Variants in CAMK4 observed in about 807,000 individuals in gnomAD.
CAMK4 encodes calcium/calmodulin dependent protein kinase IV.
CAMK4 carries 22 observed loss-of-function variants against 44.9 expected under a neutral mutation model. The observed-to-expected ratio is 0.49, with a 90% CI of 0.35 to 0.70. The LOEUF is 0.70. CAMK4 is among the 30% of genes least tolerant of loss of function. The pLI is 0.01. For missense variants in CAMK4, 498 were observed against 586.8 expected (o/e 0.85, Z 1.56); for synonymous variants, 218 against 215.4 (o/e 1.01, Z -0.11).
intron 5 of CAMK4, among the ~76,000 whole-genome samples, chr5:111,443,279 T>TATATATGTATAC: frequency 2.7e-5 from 1 of 37,478 alleles, no homozygotes; most frequent in East Asian, 7.3e-4. Flanking sequence ...TATATATATA[T>TATATATGTATAC]ACACACACAC....
At chr5:111,357,743 CTCACT>C (rs1750426455) in intron 2 of CAMK4, among the ~76,000 whole-genome samples, 1 of 152,076 alleles carries the variant, frequency 6.6e-6, no homozygotes. Context: ...TGTCATGTCA[CTCACT>C]TTAACGGTAA....
intron 5 of CAMK4, among the ~76,000 whole-genome samples, chr5:111,400,699 G>A (rs1391969532): frequency 6.6e-6 from 1 of 152,078 alleles, no homozygotes; most frequent in Non-Finnish European, 1.5e-5. Flanking sequence ...TTCCCTCTTT[G>A]GATTTGAATT....
At chr5:111,241,055 CT>C (rs1320075160) in intron 1 of CAMK4, among the ~76,000 whole-genome samples, 4 of 151,640 alleles carry the variant, frequency 2.6e-5, no homozygotes, top group Non-Finnish European at 5.9e-5. Flanking sequence ...AAGGTAAATT[CT>C]TTGACTGTAG....
intron 5 of CAMK4, among the ~76,000 whole-genome samples, chr5:111,434,883 T>G (rs1239176691): frequency 6.6e-6 from 1 of 152,234 alleles, no homozygotes; most frequent in East Asian, 1.9e-4. Context: ...TGACTGTTTC[T>G]TCTTTGTCCT....
intron 5 of CAMK4, among the ~76,000 whole-genome samples, chr5:111,400,179 A>G (rs1014460895): frequency 6.6e-6 from 1 of 152,192 alleles, no homozygotes; most frequent in African/African-American, 2.4e-5. Flanking sequence ...ACACATTCAA[A>G]TCAAATGTTC....
intron 5 of CAMK4, among the ~76,000 whole-genome samples, chr5:111,408,835 A>T (rs1412191041): frequency 6.6e-6 from 1 of 152,224 alleles, no homozygotes; most frequent in Non-Finnish European, 1.5e-5. Flanking sequence ...TACAGGCCCC[A>T]TGCAAGTCTG....
At chr5:111,252,652 T>C (rs886146878) in intron 1 of CAMK4, among the ~76,000 whole-genome samples, 3 of 152,134 alleles carry the variant, frequency 2.0e-5, no homozygotes, top group Non-Finnish European at 4.4e-5. Context: ...GTAATAATAA[T>C]ACTACAAAAC....
chr5:111,325,994 GT>G (rs1240121681), intron 1 of CAMK4, among the ~76,000 whole-genome samples: 1 of 151,966 alleles, frequency 6.6e-6, no homozygotes, highest in Non-Finnish European at 1.5e-5. Context: ...AGCATTGAAT[GT>G]TTTTTAAAAA....
Position 111,476,270 on chromosome 5 carries a change from TTTG to T in CAMK4, c.702-2109_702-2107del, listed in dbSNP as rs1561511397. ...GTGTGTGTGTGTGTGTGTGTGTGTG[TTTG>T]TGTGTGTGTGTGTGTGTGTGTTTTG... On this transcript the variant is annotated intron_variant, in intron 8 of 10. Coordinates refer to ENST00000282356, the MANE Select transcript of CAMK4 (RefSeq NM_001744.6). 5.1e-3 allele frequency among the ~76,000 whole-genome samples: 697 copies of T among 135,494 alleles called. 3 individuals carry two copies. The highest frequency in any genetic ancestry group is 0.018 in the African/African-American group (618 of 34,980). 88.9% of individuals were successfully genotyped at this position (135,494 alleles called of 152,430 possible).
chr5:111,325,315 T>C (rs1043871108), intron 1 of CAMK4, among the ~76,000 whole-genome samples: 1 of 152,138 alleles, frequency 6.6e-6, no homozygotes, highest in Admixed American at 6.6e-5. Context: ...AGTACTGCAA[T>C]AAACATACAT....
chr5:111,397,694 T>TGTGC (rs1229719082), intron 5 of CAMK4, among the ~76,000 whole-genome samples: 3 of 53,674 alleles, frequency 5.6e-5, no homozygotes, highest in African/African-American at 9.3e-5. Flanking sequence ...TGTGTGTGTT[T>TGTGC]GCAGTTTACC....
chr5:111,433,891 T>C (rs1753550682), intron 5 of CAMK4, among the ~76,000 whole-genome samples: 1 of 152,182 alleles, frequency 6.6e-6, no homozygotes, highest in Non-Finnish European at 1.5e-5. Flanking sequence ...AGCTTATAGC[T>C]AGTGATTTCA....
intron 1 of CAMK4, among the ~76,000 whole-genome samples, chr5:111,250,080 C>G (rs1258357077): frequency 6.6e-6 from 1 of 152,116 alleles, no homozygotes; most frequent in Non-Finnish European, 1.5e-5. Context: ...CTGTCTGACT[C>G]CAAAGCTTAT....
intron 1 of CAMK4, among the ~76,000 whole-genome samples, chr5:111,325,064 C>T (rs542616423): frequency 2.6e-5 from 4 of 151,646 alleles, no homozygotes; most frequent in South Asian, 2.1e-4. Context: ...GTGTTCTCAT[C>T]GTTCAACTCC....
At chr5:111,241,125 C>CT (rs34428589) in intron 1 of CAMK4, among the ~76,000 whole-genome samples, 2,098 of 142,718 alleles carry the variant, frequency 0.015, 21 homozygotes, top group African/African-American at 0.02. Flanking sequence ...ATAATTATGA[C>CT]TTTTTTTTTT....
chr5:111,385,999 C>G (rs913691026), intron 4 of CAMK4, among the ~76,000 whole-genome samples: 4 of 152,146 alleles, frequency 2.6e-5, no homozygotes, highest in Non-Finnish European at 5.9e-5. Flanking sequence ...TGTCAGCTCC[C>G]TGGCCAGCAC....
intron 4 of CAMK4, among the ~76,000 whole-genome samples, chr5:111,383,755 C>G (rs1751499998): frequency 6.6e-6 from 1 of 151,852 alleles, no homozygotes; most frequent in Admixed American, 6.6e-5. Context: ...ATGAGTCACC[C>G]CGCCCAGCCA....
At chr5:111,292,377 G>A (rs548567860) in intron 1 of CAMK4, among the ~76,000 whole-genome samples, 2 of 152,094 alleles carry the variant, frequency 1.3e-5, no homozygotes, top group South Asian at 4.2e-4. Context: ...GAATGTATGT[G>A]TACATATGTG....
intron 2 of CAMK4, among the ~76,000 whole-genome samples, chr5:111,365,885 A>G (rs1014349148): frequency 3.3e-5 from 5 of 152,096 alleles, no homozygotes; most frequent in African/African-American, 2.4e-5. Flanking sequence ...TGTGTCCTGC[A>G]TTTGATTTTG....
Sources: gnomAD v4.1 joint callset for allele counts (sites outside exome capture counted in the v4.1 genomes callset) on GRCh38, gnomAD v4.1.1 for gene constraint, MANE v1.5 for transcripts, NCBI Gene and HGNC (gene_info 2026-07-23, HGNC 2026-07-21) for gene names.